Variants in HSP90AA1 observed in about 807,000 individuals in gnomAD.
The protein encoded by HSP90AA1 is heat shock protein 90 alpha family class A member 1.
In HSP90AA1, 18 loss-of-function variants were observed where a neutral mutation model predicts 73.3. The observed-to-expected ratio is 0.25, with a 90% CI of 0.17 to 0.36. The LOEUF is 0.36. HSP90AA1 is among the 10% of genes least tolerant of loss of function. The pLI is 1.00. For synonymous variants in HSP90AA1, 477 were observed against 296.9 expected (o/e 1.61, Z -6.24); for missense variants, 704 against 874.2 (o/e 0.81, Z 2.45).
intron 1 of HSP90AA1, among the ~76,000 whole-genome samples, chr14:102,136,647 G>A (rs1202429988): frequency 2.0e-5 from 3 of 151,162 alleles, no homozygotes; most frequent in East Asian, 1.9e-4. Context: ...CAGCACTTCC[G>A]GAGGCCGAGG....
Position 102,082,340 on chromosome 14 carries a change from T to C in HSP90AA1, c.1860A>G (p.Arg620=). ...MERIMKAQAL[R]DNSTMGYMAA... is the part of the protein sequence containing the mutation. ...CCATGTAACCCATTGTTGAGTTGTC[T>C]CTTAGGGCTTGAGCTTTCATGATTC... Residue 620 remains arginine, a synonymous_variant, in exon 10 of 11, where the codon AGA becomes AGG. Transcript: ENST00000216281. 2.5e-6 allele frequency: 4 copies of C among 1,613,984 alleles called. No homozygotes were observed. Among genetic ancestry groups the C allele is most frequent in the Non-Finnish European group, 3.4e-6 (4 of 1,179,852 alleles).
At chr14:102,114,948 C>T (rs1383762111) in intron 1 of HSP90AA1, among the ~76,000 whole-genome samples, 1 of 152,060 alleles carries the variant, frequency 6.6e-6, no homozygotes, top group East Asian at 1.9e-4. Flanking sequence ...TCCTGGCTAA[C>T]ACGGTGAAAC....
chr14:102,137,971 C>T (rs1187132979), intron 1 of HSP90AA1, among the ~76,000 whole-genome samples: 1 of 150,930 alleles, frequency 6.6e-6, no homozygotes, highest in Non-Finnish European at 1.5e-5. Context: ...GCCAAGATTG[C>T]ACCACTGCAC....
At chr14:102,126,898 A>C (rs1051954113) in intron 1 of HSP90AA1, among the ~76,000 whole-genome samples, 8 of 152,204 alleles carry the variant, frequency 5.3e-5, no homozygotes, top group South Asian at 2.1e-4. Flanking sequence ...ATGAATTTTT[A>C]AATTAACAAA....
At position 102,082,208 on chromosome 14, in the gene HSP90AA1, G is replaced by C. The variant is rs35598057; in HGVS notation, c.1992C>G (p.Ile664Met). The C allele has an allele frequency of 6.2e-7, 1 of 1,613,920 alleles. No homozygotes were observed. The highest frequency in any genetic ancestry group is 8.5e-7 in the Non-Finnish European group (1 of 1,179,798). Residue 664 changes from isoleucine (I) to methionine (M), a missense_variant, in exon 10 of 11, where the codon ATC (isoleucine) becomes ATG (methionine). Ile to Met is a conservative substitution (Grantham distance 10, BLOSUM62 1). Coordinates refer to ENST00000216281, the MANE Select transcript of HSP90AA1 (RefSeq NM_005348.4). The stretch of plus-strand genomic sequence containing the variant: ...ACAGGAGCGCAGTTTCATAAAGCAA[G>C]ATGACCAGATCCTTCACAGACTTGT... ...KNDKSVKDLVILLYETALLSS... is the reference protein window; with the variant it reads ...KNDKSVKDLVMLLYETALLSS...
intron 2 of HSP90AA1, among the ~76,000 whole-genome samples, chr14:102,094,314 C>G (rs1256471345): frequency 6.6e-6 from 1 of 152,246 alleles, no homozygotes. Context: ...CATTATTTGT[C>G]TGTTCACCAT....
In HSP90AA1 at chr14:102,083,822, A is replaced by C; in HGVS notation, c.1309T>G (p.Phe437Val). ...LAEDKENYKK[F>V]YEQFSKNIKL... The stretch of plus-strand genomic sequence containing the variant: ...ATGTTTTTAGAGAACTGCTCATAGA[A>C]TTTCTTGTAGTTCTCTTTATCTTCC... The change falls in exon 7 of 11, where the codon TTC (phenylalanine) becomes GTC (valine). Residue 437 changes from phenylalanine to valine, a missense_variant. Phe to Val is a conservative substitution (Grantham distance 50). Transcript: ENST00000216281. The C allele has an allele frequency of 1.2e-6, 2 of 1,613,672 alleles. No individual in the cohort carries two copies. Among genetic ancestry groups the C allele is most frequent in the Non-Finnish European group, 1.7e-6 (2 of 1,179,870 alleles).
chr14:102,086,229 T>C lies in HSP90AA1; in HGVS notation c.150A>G (p.Ser50=), dbSNP rs1438836923. 1.7e-5 allele frequency: 27 copies of C among 1,614,096 alleles called. No homozygotes were observed. The highest frequency in any genetic ancestry group is 2.2e-5 in the Non-Finnish European group (26 of 1,180,050). The change falls in exon 2 of 11, where the codon TCA becomes TCG. Residue 50 remains serine (S), a synonymous_variant. Coordinates refer to ENST00000216281, the MANE Select transcript of HSP90AA1 (RefSeq NM_005348.4). ...NKEIFLRELI[S]NSSDALDKIR... ...ATAAGTGACTTACATCTGATGAATT[T>C]GAAATGAGCTCTCTCAGAAAGATCT...
At chr14:102,135,585 CG>C (rs2049980643) in intron 1 of HSP90AA1, among the ~76,000 whole-genome samples, 2 of 152,238 alleles carry the variant, frequency 1.3e-5, no homozygotes, top group African/African-American at 2.4e-5. Flanking sequence ...GGGGAGGCTC[CG>C]GCCGCACAGG....
chr14:102,130,451 A>T lies in HSP90AA1; in HGVS notation c.155+8799T>A, dbSNP rs1161383245. ...CTCCACATTCTCACCAACACTTGTTATTGTTTATCTTTTTGATTATAGCCA... is the reference window on the plus strand; with the variant it reads ...CTCCACATTCTCACCAACACTTGTTTTTGTTTATCTTTTTGATTATAGCCA... On this transcript the variant is annotated intron_variant, in intron 1 of 11. Coordinates refer to the HSP90AA1 transcript ENST00000334701. Among the ~76,000 whole-genome samples the T allele has an allele frequency of 3.9e-5, 6 of 152,132 alleles. No individual in the cohort carries two copies. In the East Asian group the frequency reaches 1.2e-3, roughly 29 times the overall value.
chr14:102,135,061 C>G (rs1287698794), intron 1 of HSP90AA1, among the ~76,000 whole-genome samples: 16 of 148,184 alleles, frequency 1.1e-4, no homozygotes, highest in Admixed American at 4.0e-4. Context: ...TACAGAGTGT[C>G]GACTGGTGCA....
At chr14:102,087,190 A>C (rs2152614047), upstream of HSP90AA1, 2 of 978,368 alleles carry the variant, frequency 2.0e-6, no homozygotes, top group Non-Finnish European at 2.4e-6. Context: ...TTGCCGCGGC[A>C]CCCCGCCCCC....
At chr14:102,116,141 G>C in intron 1 of HSP90AA1, among the ~76,000 whole-genome samples, 1 of 151,968 alleles carries the variant, frequency 6.6e-6, no homozygotes, top group South Asian at 2.1e-4. Flanking sequence ...TTTTAGTAGA[G>C]ACAGGGTTTC....
chr14:102,113,255 C>T (rs796473371), intron 1 of HSP90AA1, among the ~76,000 whole-genome samples: 11 of 152,202 alleles, frequency 7.2e-5, no homozygotes, highest in African/African-American at 2.6e-4. Flanking sequence ...AACTCCTGAC[C>T]TCAGGCAATC....
At chr14:102,087,225 G>A (rs1485779798), upstream of HSP90AA1, 5 of 933,976 alleles carry the variant, frequency 5.4e-6, no homozygotes, top group Non-Finnish European at 6.4e-6. Flanking sequence ...GCGCGCGCAG[G>A]CCCTGCTCGT....
rs143957536 is a variant in HSP90AA1 at position 102,086,232 on chromosome 14, A to G, written c.147T>C (p.Ile49=). Residue 49 remains isoleucine, a synonymous_variant, in exon 2 of 11, where the codon ATT becomes ATC. Coordinates refer to ENST00000216281, the MANE Select transcript of HSP90AA1 (RefSeq NM_005348.4). ...SNKEIFLREL[I]SNSSDALDKI... is the part of the protein sequence containing the mutation. Reference sequence around the variant, plus strand: ...AGTGACTTACATCTGATGAATTTGAAATGAGCTCTCTCAGAAAGATCTCTT... The same window carrying G: ...AGTGACTTACATCTGATGAATTTGAGATGAGCTCTCTCAGAAAGATCTCTT... 7 of 1,614,074 alleles carry G rather than the reference A, an allele frequency of 4.3e-6. No individual in the cohort carries two copies. Among genetic ancestry groups the G allele is most frequent in the Non-Finnish European group, 5.9e-6 (7 of 1,180,044 alleles).
chr14:102,084,024 G>C (rs779086433), intron 6 of HSP90AA1, 41 bp from the exon 7 acceptor site: 2 of 1,430,166 alleles, frequency 1.4e-6, no homozygotes, highest in Non-Finnish European at 2.0e-6. Flanking sequence ...TCATTCCAAG[G>C]ACAAAACTGG....
chr14:102,131,286 C>T (rs1270119101), intron 1 of HSP90AA1, among the ~76,000 whole-genome samples: 2 of 152,184 alleles, frequency 1.3e-5, no homozygotes, highest in African/African-American at 2.4e-5. Flanking sequence ...CTTCATTTCT[C>T]CCACAAGCCA....
chr14:102,084,204 A>G (rs778154437), intron 6 of HSP90AA1, 195 bp downstream of exon 6: 3 of 676,004 alleles, frequency 4.4e-6, no homozygotes, highest in Middle Eastern at 3.1e-4. Flanking sequence ...CTGCCACTAC[A>G]TGGGGCTAAT....
Sources: gnomAD v4.1 joint callset for allele counts (sites outside exome capture counted in the v4.1 genomes callset) on GRCh38, gnomAD v4.1.1 for gene constraint, MANE v1.5 for transcripts, NCBI Gene and HGNC (gene_info 2026-07-23, HGNC 2026-07-21) for gene names.